CUL4A: variants seen among roughly 807,000 people sequenced by gnomAD.
CUL4A encodes the protein cullin-4A.
A neutral mutation model predicts 95.5 loss-of-function variants in CUL4A; 16 were observed. The observed-to-expected ratio is 0.17, with a 90% confidence interval of 0.11 to 0.25. The LOEUF is 0.25. Ranked by LOEUF, CUL4A falls within the 10% of genes least tolerant of loss-of-function variation. The pLI, the probability that CUL4A is intolerant of heterozygous loss-of-function variation, is 1.00. For synonymous variants in CUL4A, 380 were observed against 353.1 expected (o/e 1.08, Z -0.85); for missense variants, 610 against 937.0 (o/e 0.65, Z 4.56).
At chr13:113,224,557 G>C (rs1255468002) in intron 3 of CUL4A, among the ~76,000 whole-genome samples, 4 of 152,222 alleles carry the variant, frequency 2.6e-5, no homozygotes, top group African/African-American at 9.6e-5. Flanking sequence ...CTTGGCTGTT[G>C]GGGAAGTTGC....
chr13:113,217,487 T>C (rs540469925), intron 2 of CUL4A, among the ~76,000 whole-genome samples: 6 of 152,210 alleles, frequency 3.9e-5, no homozygotes, highest in Non-Finnish European at 8.8e-5. Context: ...AAAAACAGGA[T>C]TATAATTATT....
chr13:113,254,793 G>A lies in CUL4A; in HGVS notation c.1853G>A (p.Gly618Glu), dbSNP rs755693939. ...FSFEEIKMAT[G>E]IEDSELRRTL... is the part of the protein sequence containing the mutation. Reference sequence around the variant, plus strand: ...TTTGAGGAGATAAAAATGGCCACGGGGATAGGTACGAAAACTGCAGAGTGC... The same window carrying A: ...TTTGAGGAGATAAAAATGGCCACGGAGATAGGTACGAAAACTGCAGAGTGC... Residue 618 changes from glycine (G) to glutamate (E), a missense_variant, in exon 17 of 20, where the codon GGG (glycine) becomes GAG (glutamate). Gly to Glu is a moderately conservative substitution (Grantham distance 98). Coordinates refer to ENST00000375440, the MANE Select transcript of CUL4A (RefSeq NM_001008895.4). 1 of 1,612,730 alleles carries A rather than the reference G, an allele frequency of 6.2e-7. No individual in the cohort carries two copies. Among genetic ancestry groups the A allele is most frequent in the Non-Finnish European group, 8.5e-7 (1 of 1,179,194 alleles).
chr13:113,223,457 G>A (rs7981259), intron 3 of CUL4A, among the ~76,000 whole-genome samples: 1,941 of 152,248 alleles, frequency 0.013, 42 homozygotes, highest in African/African-American at 0.044. Context: ...GTGCAATGGC[G>A]CAATCTTGGC....
chr13:113,245,732 C>T (rs1192882059), intron 14 of CUL4A, among the ~76,000 whole-genome samples: 1 of 152,072 alleles, frequency 6.6e-6, no homozygotes, highest in African/African-American at 2.4e-5. Flanking sequence ...AAGATCTAAA[C>T]GTGTGGCAAG....
chr13:113,253,269 TTAG>T (rs1259738661), intron 16 of CUL4A, 74 bp downstream of exon 16: 2 of 691,568 alleles, frequency 2.9e-6, no homozygotes, highest in Non-Finnish European at 4.4e-6. Context: ...TTACTGGACT[TTAG>T]TAGCAAAAAA....
intron 2 of CUL4A, among the ~76,000 whole-genome samples, chr13:113,217,695 A>T (rs753882740): frequency 8.5e-5 from 13 of 152,206 alleles, no homozygotes; most frequent in Non-Finnish European, 1.6e-4. Context: ...TTGTATCCTA[A>T]TTAAATTCAG....
intron 15 of CUL4A, among the ~76,000 whole-genome samples, chr13:113,251,648 C>T (rs2041997384): frequency 6.6e-6 from 1 of 152,134 alleles, no homozygotes; most frequent in Non-Finnish European, 1.5e-5. Flanking sequence ...TGTAGCACCT[C>T]CCCCTTCTCT....
At chr13:113,215,363 G>A in intron 2 of CUL4A, among the ~76,000 whole-genome samples, 1 of 148,832 alleles carries the variant, frequency 6.7e-6, no homozygotes, top group African/African-American at 2.5e-5. Context: ...TGACCATGGA[G>A]GTCACGTCGC....
intron 10 of CUL4A, 24 bp downstream of exon 10, chr13:113,239,575 C>A: frequency 6.4e-7 from 1 of 1,561,776 alleles, no homozygotes; most frequent in Non-Finnish European, 8.8e-7. Context: ...TTTGAGGCCG[C>A]GGGCGTGGGC....
At chr13:113,235,032 T>G (rs776596540) in intron 7 of CUL4A, 31 bp from the exon 8 acceptor site, 2 of 1,450,556 alleles carry the variant, frequency 1.4e-6, no homozygotes, top group Non-Finnish European at 1.9e-6. Context: ...TTCTTTTTGT[T>G]ACTGATACAT....
chr13:113,263,960 G>A lies in CUL4A; in HGVS notation c.*378G>A, dbSNP rs1365532279. 6.2e-6 allele frequency: 1 copy of A among 160,664 alleles called. No homozygotes were observed. Among genetic ancestry groups the A allele is most frequent in the African/African-American group, 2.4e-5 (1 of 41,814 alleles). 10.0% of individuals were successfully genotyped at this position (160,664 alleles called of 1,614,324 possible). On this transcript the variant is annotated 3_prime_UTR_variant, in exon 20 of 20. Transcript: ENST00000375440. The stretch of plus-strand genomic sequence containing the variant: ...TGAGTGCACAATGAAGAAGACCCTA[G>A]ATGCTGCATTTTTTAGCTCTGAAGA...
At chr13:113,209,140 G>C (rs1379827414), upstream of CUL4A, among the ~76,000 whole-genome samples, 1 of 150,854 alleles carries the variant, frequency 6.6e-6, no homozygotes, top group East Asian at 2.0e-4. Context: ...GTCCCGGCGC[G>C]CACCCCTGAG....
chr13:113,264,584 T>A lies in CUL4A; in HGVS notation c.*1002T>A, dbSNP rs899302970. Reference sequence around the variant, plus strand: ...TGTATATATACATGAGGTTGAACAGTGAAAGGAAAGTTCAGTAGTGATGTT... The same window carrying A: ...TGTATATATACATGAGGTTGAACAGAGAAAGGAAAGTTCAGTAGTGATGTT... On this transcript the variant is annotated 3_prime_UTR_variant, in exon 20 of 20. Transcript: ENST00000375440. 6.6e-6 allele frequency: 1 copy of A among 152,608 alleles called. No homozygotes were observed. The highest frequency in any genetic ancestry group is 2.4e-5 in the African/African-American group (1 of 41,444). 9.5% of individuals were successfully genotyped at this position (152,608 alleles called of 1,614,324 possible).
chr13:113,241,663 G>A (rs1034184604), intron 10 of CUL4A, among the ~76,000 whole-genome samples: 3 of 151,890 alleles, frequency 2.0e-5, no homozygotes, highest in African/African-American at 7.3e-5. Context: ...ACAGGCTCCC[G>A]CCACCACACC....
At position 113,246,041 on chromosome 13, in the gene CUL4A, T is replaced by G; in HGVS notation, c.1616T>G (p.Met539Arg). 1 of 1,613,730 alleles carries G rather than the reference T, an allele frequency of 6.2e-7. No individual in the cohort carries two copies. The highest frequency in any genetic ancestry group is 2.2e-5 in the East Asian group (1 of 44,880). ...GGCTACTGGCCAACATACACGCCCA[T>G]GGAAGTGCACTTAACCCCAGAAGTA... The part of the protein sequence containing the change: ...TMGYWPTYTP[M>R]EVHLTPEMIK... Residue 539 changes from methionine to arginine, a missense_variant, in exon 15 of 20, where the codon ATG becomes AGG. By Grantham distance (91) the Met-to-Arg change is moderately conservative. Transcript: ENST00000375440.
At chr13:113,238,685 T>C (rs1375419086) in intron 9 of CUL4A, among the ~76,000 whole-genome samples, 1 of 152,160 alleles carries the variant, frequency 6.6e-6, no homozygotes, top group Non-Finnish European at 1.5e-5. Flanking sequence ...GAAATAAACA[T>C]TTGGAGCTCT....
intron 9 of CUL4A, among the ~76,000 whole-genome samples, chr13:113,238,637 T>C (rs2041618412): frequency 6.6e-6 from 1 of 152,196 alleles, no homozygotes; most frequent in Admixed American, 6.5e-5. Flanking sequence ...AAATAAAGTA[T>C]AAAAAGTTTG....
chr13:113,210,716 A>G (rs1448797551), intron 2 of CUL4A, among the ~76,000 whole-genome samples: 1 of 152,224 alleles, frequency 6.6e-6, no homozygotes, highest in Non-Finnish European at 1.5e-5. Context: ...GTAAAGTAAC[A>G]TTCATTCAGT....
upstream of CUL4A, chr13:113,208,275 C>T (rs966482736): frequency 4.2e-6 from 6 of 1,437,538 alleles, no homozygotes; most frequent in Admixed American, 1.7e-4. Context: ...CCCGCAGGCC[C>T]TTCGGACCGC....
Sources: allele counts gnomAD v4.1 joint callset (sites outside exome capture counted in the v4.1 genomes callset), GRCh38; gene constraint gnomAD v4.1.1; transcripts MANE v1.5; gene names NCBI Gene and HGNC (gene_info 2026-07-23, HGNC 2026-07-21).